The following LUC7L variants were observed in gnomAD, a reference collection of about 807,000 sequenced individuals.
The protein encoded by LUC7L is putative RNA-binding protein Luc7-like 1.
Under a neutral mutation model 51.1 loss-of-function variants are expected in LUC7L, and 29 were observed. The ratio of observed to expected loss-of-function variants is 0.57; its 90% confidence interval spans 0.42 to 0.77. LUC7L has a LOEUF of 0.77. LUC7L is among the 30% of genes least tolerant of loss of function. LUC7L has a pLI of 0.00. For synonymous variants in LUC7L, 181 were observed against 180.7 expected, an observed-to-expected ratio of 1.00 and a Z score of -0.01; for missense variants, 403 against 511.9, an observed-to-expected ratio of 0.79 and a Z score of 2.05.
intron 9 of LUC7L, 194 bp from the exon 10 acceptor site, chr16:189,533 G>A (rs968077388): frequency 7.2e-6 from 10 of 1,387,466 alleles, no homozygotes; most frequent in Middle Eastern, 2.7e-4. Flanking sequence ...TGACCTTTGC[G>A]AAGATTTTTA....
intron 3 of LUC7L, among the ~76,000 whole-genome samples, chr16:217,371 G>A (rs182614401): frequency 6.6e-6 from 1 of 152,048 alleles, no homozygotes; most frequent in East Asian, 1.9e-4. Flanking sequence ...AAACATCTCA[G>A]GTACCCCCCA....
intron 5 of LUC7L, among the ~76,000 whole-genome samples, chr16:201,463 G>A (rs1266925120): frequency 2.0e-5 from 3 of 148,338 alleles, no homozygotes; most frequent in South Asian, 2.1e-4. Context: ...TTTTTGAGAC[G>A]GAGTCTCGCT....
chr16:207,995 G>C (rs377733463), intron 4 of LUC7L, 83 bp downstream of exon 4: 1 of 904,316 alleles, frequency 1.1e-6, no homozygotes, highest in Non-Finnish European at 1.7e-6. Flanking sequence ...GGTGACAGAG[G>C]GAGACTCCAT....
chr16:222,398 G>A (rs1011991279), intron 2 of LUC7L, among the ~76,000 whole-genome samples: 3 of 151,814 alleles, frequency 2.0e-5, no homozygotes, highest in African/African-American at 7.3e-5. Flanking sequence ...ACACCTTTGG[G>A]AGGGCAAGAT....
rs140285632 is a variant in LUC7L, at chr16:229,442, G to A, written c.-103C>T. ...GGTCGCGTCGGCCTCGAGCCCACTC[G>A]GCTCTTTCCCGCCGCGGGGGACGCC... On this transcript the variant is annotated 5_prime_UTR_variant, in exon 1 of 10. Coordinates refer to ENST00000293872, the MANE Select transcript of LUC7L (RefSeq NM_201412.3). 1,733 of 1,055,346 alleles carry A rather than the reference G, an allele frequency of 1.6e-3. 5 individuals carry two copies. The highest frequency in any genetic ancestry group is 2.4e-3 in the Admixed American group (65 of 26,794). The allele number at this position is 1,055,346 out of a possible 1,614,324, so 65.4% of individuals were successfully genotyped here. A position where few individuals can be genotyped will look rare whatever the true frequency, so the allele number is the denominator to read the frequency against.
chr16:211,052 CA>C (rs572440490), intron 3 of LUC7L, among the ~76,000 whole-genome samples: 140 of 121,936 alleles, frequency 1.1e-3, no homozygotes, highest in Admixed American at 2.1e-3. Context: ...CACTCCGTCT[CA>C]AAAAAAAAAA....
intron 1 of LUC7L, chr16:227,838 T>C (rs2050169506): frequency 5.0e-6 from 5 of 1,000,822 alleles, no homozygotes; most frequent in South Asian, 4.2e-5. Flanking sequence ...TTAAATAATC[T>C]AGATCTATTC....
intron 3 of LUC7L, among the ~76,000 whole-genome samples, chr16:212,566 T>A (rs1219054958): frequency 6.6e-6 from 1 of 152,128 alleles, no homozygotes; most frequent in Non-Finnish European, 1.5e-5. Flanking sequence ...ACTCTTATAC[T>A]GGACAACTGT....
chr16:205,005 C>T (rs952592620), intron 5 of LUC7L, among the ~76,000 whole-genome samples: 7 of 152,242 alleles, frequency 4.6e-5, no homozygotes, highest in African/African-American at 4.8e-5. Flanking sequence ...GGGATACTCA[C>T]GACCCTTGAG....
At chr16:216,380 G>GTTTTTTTTTTTTT (rs34292372) in intron 3 of LUC7L, among the ~76,000 whole-genome samples, 1 of 107,306 alleles carries the variant, frequency 9.3e-6, no homozygotes. Flanking sequence ...TCAAATAGTT[G>GTTTTTTTTTTTTT]TTTTTTTTTT....
intron 7 of LUC7L, chr16:190,814 A>T (rs1175157086): frequency 1.2e-5 from 6 of 507,450 alleles, no homozygotes. Flanking sequence ...TAGGAGGCAG[A>T]GGTTGCAGTG....
At chr16:219,787 T>C (rs2049913633) in intron 3 of LUC7L, among the ~76,000 whole-genome samples, 5 of 151,884 alleles carry the variant, frequency 3.3e-5, no homozygotes, top group Admixed American at 6.6e-5. Flanking sequence ...CAGAATTGCT[T>C]GAACCTGGGA....
chr16:202,665 T>A (rs1376155317), intron 5 of LUC7L, among the ~76,000 whole-genome samples: 2 of 152,154 alleles, frequency 1.3e-5, no homozygotes, highest in Non-Finnish European at 2.9e-5. Context: ...CTCACAATGA[T>A]GAACCATGGA....
intron 2 of LUC7L, among the ~76,000 whole-genome samples, chr16:222,020 G>C (rs1333512684): frequency 2.0e-5 from 3 of 152,142 alleles, no homozygotes; most frequent in Admixed American, 6.5e-5. Context: ...GTCCCACTCA[G>C]TTCCTCCATT....
intron 9 of LUC7L, chr16:189,558 C>G (rs2048953645): frequency 1.4e-6 from 2 of 1,386,638 alleles, no homozygotes; most frequent in Admixed American, 6.0e-5. Flanking sequence ...GGAGAGCCTT[C>G]ACTGTAACAT....
intron 3 of LUC7L, among the ~76,000 whole-genome samples, chr16:215,238 A>G (rs763109201): frequency 4.6e-5 from 7 of 152,218 alleles, no homozygotes; most frequent in South Asian, 4.1e-4. Flanking sequence ...CTGTAATCCC[A>G]GCACTTTGGG....
rs948247091 is a variant in LUC7L at position 189,838 on chromosome 16, C to T, written c.974+130G>A. The T allele has an allele frequency of 1.2e-5, 18 of 1,460,548 alleles. No homozygotes were observed. The African/African-American group carries it at 1.7e-4, about 14-fold the overall frequency. 90.5% of individuals were successfully genotyped at this position (1,460,548 alleles called of 1,614,324 possible). A position where few individuals can be genotyped will look rare whatever the true frequency, so the allele number is the denominator to read the frequency against. On this transcript the variant is annotated intron_variant, in intron 9 of 9. Coordinates refer to ENST00000293872, the MANE Select transcript of LUC7L (RefSeq NM_201412.3). ...TCTTCCCACACCTGAGTCCCGTTCA[C>T]GACTCCCCAGCCCTACTCCTGAGGG...
intron 1 of LUC7L, 199 bp downstream of exon 1, chr16:229,080 C>A: frequency 7.1e-7 from 1 of 1,413,494 alleles, no homozygotes; most frequent in South Asian, 1.5e-5. Context: ...GAGAGAGGAG[C>A]CCGACCTGGA....
At chr16:193,172 A>C (rs991545854) in intron 6 of LUC7L, among the ~76,000 whole-genome samples, 157 bp from the exon 7 acceptor site, 3 of 152,136 alleles carry the variant, frequency 2.0e-5, no homozygotes, top group Non-Finnish European at 4.4e-5. Context: ...TTCTCTTTGA[A>C]ACGGTGTCTC....
Sources: allele counts gnomAD v4.1 joint callset (sites outside exome capture counted in the v4.1 genomes callset), GRCh38; gene constraint gnomAD v4.1.1; transcripts MANE v1.5; gene names NCBI Gene and HGNC (gene_info 2026-07-23, HGNC 2026-07-21).